The following ZBTB20 variants were observed in gnomAD, a reference collection of about 807,000 sequenced individuals.
The protein encoded by ZBTB20 is zinc finger and BTB domain-containing protein 20.
A neutral mutation model predicts 56.9 loss-of-function variants in ZBTB20; 9 were observed. The observed-to-expected ratio is 0.16, with a 90% CI of 0.10 to 0.28. The LOEUF (loss-of-function observed/expected upper bound fraction) is 0.28. Among genes scored for constraint, ZBTB20 ranks in the 10% least tolerant of loss-of-function variants. The pLI, the probability that ZBTB20 is intolerant of heterozygous loss-of-function variation, is 1.00. For missense variants in ZBTB20, 655 were observed against 1,003.0 expected (o/e 0.65, Z 4.69); for synonymous variants, 417 against 420.7 (o/e 0.99, Z 0.11).
chr3:114,641,010 G>T (rs964260248), intron 6 of ZBTB20, among the ~76,000 whole-genome samples: 4 of 151,748 alleles, frequency 2.6e-5, no homozygotes, highest in Admixed American at 2.6e-4. Flanking sequence ...CTATTTACTC[G>T]GTGTGCAAAT....
At chr3:114,594,151 C>T (rs773393486) in intron 6 of ZBTB20, among the ~76,000 whole-genome samples, 45 of 151,202 alleles carry the variant, frequency 3.0e-4, no homozygotes, top group Non-Finnish European at 5.7e-4. Context: ...CTACTTTAGG[C>T]AAAAAACATT....
intron 7 of ZBTB20, among the ~76,000 whole-genome samples, chr3:114,433,421 T>A (rs2090268907): frequency 6.6e-6 from 1 of 151,972 alleles, no homozygotes; most frequent in Non-Finnish European, 1.5e-5. Flanking sequence ...ATGTCAAGAG[T>A]GGGGAAGAAT....
At chr3:114,869,749 T>C (rs971186178) in intron 4 of ZBTB20, among the ~76,000 whole-genome samples, 4 of 152,258 alleles carry the variant, frequency 2.6e-5, no homozygotes, top group African/African-American at 9.6e-5. Context: ...TATTTATTCC[T>C]GATGGCCACA....
intron 2 of ZBTB20, among the ~76,000 whole-genome samples, chr3:115,065,297 T>C (rs749234330): frequency 1.3e-5 from 2 of 152,190 alleles, no homozygotes; most frequent in South Asian, 4.1e-4. Context: ...GTATATTAAT[T>C]ATACTTTATT....
At chr3:114,629,726 T>C (rs1440005089) in intron 6 of ZBTB20, among the ~76,000 whole-genome samples, 4 of 152,128 alleles carry the variant, frequency 2.6e-5, no homozygotes, top group Non-Finnish European at 5.9e-5. Context: ...ATTCTTTGGG[T>C]ATGTGTCAGT....
chr3:115,070,473 G>A (rs1284986937), intron 2 of ZBTB20, among the ~76,000 whole-genome samples: 3 of 152,040 alleles, frequency 2.0e-5, no homozygotes, highest in Non-Finnish European at 2.9e-5. Flanking sequence ...TTTTTTCAGA[G>A]TATTCTGTTG....
At chr3:114,842,492 A>C (rs2074425619) in intron 4 of ZBTB20, among the ~76,000 whole-genome samples, 1 of 152,184 alleles carries the variant, frequency 6.6e-6, no homozygotes, top group South Asian at 2.1e-4. Flanking sequence ...AACAAGCCAC[A>C]CCAAGTCTCT....
intron 10 of ZBTB20, among the ~76,000 whole-genome samples, chr3:114,354,684 C>T (rs978415685): frequency 1.3e-5 from 2 of 148,666 alleles, no homozygotes; most frequent in East Asian, 2.0e-4. Context: ...TGGGTTTAAG[C>T]GATTCTTGTG....
At chr3:114,677,355 A>G (rs2061687761) in intron 6 of ZBTB20, among the ~76,000 whole-genome samples, 1 of 152,168 alleles carries the variant, frequency 6.6e-6, no homozygotes. Context: ...ACCTGTTAGG[A>G]ACTTAGCTGT....
intron 6 of ZBTB20, among the ~76,000 whole-genome samples, chr3:114,574,580 A>G (rs1372749274): frequency 1.3e-5 from 2 of 152,090 alleles, no homozygotes; most frequent in East Asian, 3.8e-4. Flanking sequence ...TTGACTGAAC[A>G]TATATCTCAA....
chr3:114,935,343 T>C (rs2076496458), intron 3 of ZBTB20, among the ~76,000 whole-genome samples: 1 of 152,182 alleles, frequency 6.6e-6, no homozygotes, highest in South Asian at 2.1e-4. Context: ...GGAGACACAC[T>C]TGAGGAAGCT....
intron 7 of ZBTB20, among the ~76,000 whole-genome samples, chr3:114,464,911 G>T (rs1461781174): frequency 6.6e-6 from 1 of 152,064 alleles, no homozygotes; most frequent in Non-Finnish European, 1.5e-5. Context: ...ACATTACAAG[G>T]TTCTTTTTCT....
At chr3:114,829,198 C>T (rs2073708011) in intron 4 of ZBTB20, among the ~76,000 whole-genome samples, 1 of 151,814 alleles carries the variant, frequency 6.6e-6, no homozygotes. Flanking sequence ...TATATTCAAA[C>T]TGTATTTCAT....
At chr3:114,790,612 A>ACTAAAGTTTGTACAAAACTAAAG (rs1190839809) in intron 5 of ZBTB20, among the ~76,000 whole-genome samples, 2 of 151,044 alleles carry the variant, frequency 1.3e-5, no homozygotes, top group Non-Finnish European at 2.9e-5. Context: ...TTTTTTACAA[A>ACTAAAGTTTGTACAAAACTAAAG]TTTTACTAAA....
chr3:115,080,781 C>T (rs766144562), intron 1 of ZBTB20, among the ~76,000 whole-genome samples: 31 of 152,162 alleles, frequency 2.0e-4, no homozygotes, highest in Middle Eastern at 3.4e-3. Context: ...TTTTCTTTTT[C>T]CTCAAGATCT....
intron 2 of ZBTB20, among the ~76,000 whole-genome samples, chr3:115,020,128 C>T (rs2080143702): frequency 6.6e-6 from 1 of 151,080 alleles, no homozygotes; most frequent in Admixed American, 6.6e-5. Context: ...TGCACTTCCT[C>T]AAATGTATTT....
chr3:114,494,436 C>T (rs188401863), intron 7 of ZBTB20, among the ~76,000 whole-genome samples: 1 of 152,156 alleles, frequency 6.6e-6, no homozygotes, highest in Admixed American at 6.6e-5. Flanking sequence ...GTTTTCCAGT[C>T]TATGGATGTC....
intron 1 of ZBTB20, among the ~76,000 whole-genome samples, chr3:115,105,331 A>G (rs2083689166): frequency 6.6e-6 from 1 of 152,192 alleles, no homozygotes; most frequent in Non-Finnish European, 1.5e-5. Context: ...CCAGATGAAG[A>G]AAAAAGAGAG....
chr3:114,707,581 C>T (rs540971232), intron 5 of ZBTB20, among the ~76,000 whole-genome samples: 22 of 152,284 alleles, frequency 1.4e-4, no homozygotes, highest in East Asian at 1.4e-3. Context: ...TTGAAAATGT[C>T]GGGAACTCAA....
Sources: allele counts gnomAD v4.1 joint callset (sites outside exome capture counted in the v4.1 genomes callset), GRCh38; gene constraint gnomAD v4.1.1; transcripts MANE v1.5; gene names NCBI Gene and HGNC (gene_info 2026-07-23, HGNC 2026-07-21).